The following MYO7B variants were observed in gnomAD, a reference collection of about 807,000 sequenced individuals.
MYO7B encodes the protein unconventional myosin-VIIb.
A neutral mutation model predicts 259.7 loss-of-function variants in MYO7B; 212 were observed. That is an observed-to-expected ratio of 0.82 (90% CI 0.73 to 0.91). The LOEUF (loss-of-function observed/expected upper bound fraction) is 0.91, where lower values mean the gene tolerates loss of function less well. Ranked by LOEUF, MYO7B falls within the 40% of genes least tolerant of loss-of-function variation. MYO7B has a pLI of 0.00. For synonymous variants in MYO7B, 1,197 were observed against 1,166.4 expected, an observed-to-expected ratio of 1.03 and a Z score of -0.54; for missense variants, 2,732 against 2,813.5, an observed-to-expected ratio of 0.97 and a Z score of 0.66.
chr2:127,566,234 G>T (rs1238555638), intron 4 of MYO7B, among the ~76,000 whole-genome samples: 1 of 152,214 alleles, frequency 6.6e-6, no homozygotes, highest in Non-Finnish European at 1.5e-5. Flanking sequence ...CCAGGGCGGA[G>T]GTCCCAGGGG....
intron 17 of MYO7B, 104 bp downstream of exon 17, chr2:127,593,050 C>A (rs1263328123): frequency 7.1e-7 from 1 of 1,409,462 alleles, no homozygotes; most frequent in Admixed American, 2.1e-5. Context: ...CTGCCCTCCC[C>A]GGCCCCAGCC....
chr2:127,564,193 C>G lies in MYO7B; in HGVS notation c.59C>G (p.Thr20Ser). The change falls in exon 3 of 48, where the codon ACC (threonine) becomes AGC (serine). Residue 20 changes from threonine (T) to serine (S), a missense_variant. Around this residue, in one of 3 missense-constraint regions of MYO7B, gnomAD observed 1,906 missense variants for 2,026.4 expected, o/e 0.94. Transcript: ENST00000409816. Reference sequence around the variant, plus strand: ...CTGGAGCCTCCCTCCACCCACAAGACCGGCGTGGCCATCGGGGGCATCATC... The same window carrying G: ...CTGGAGCCTCCCTCCACCCACAAGAGCGGCGTGGCCATCGGGGGCATCATC... ...VWLEPPSTHKTGVAIGGIIKE... is the reference protein window; with the variant it reads ...VWLEPPSTHKSGVAIGGIIKE... 1 of 1,576,218 alleles carries G rather than the reference C, an allele frequency of 6.3e-7. No individual in the cohort carries two copies. The highest frequency in any genetic ancestry group is 8.6e-7 in the Non-Finnish European group (1 of 1,161,562).
At chr2:127,634,995 G>A (rs907452095) in intron 42 of MYO7B, 125 bp from the exon 43 acceptor site, 12 of 758,316 alleles carry the variant, frequency 1.6e-5, no homozygotes, top group Non-Finnish European at 2.7e-5. Context: ...GTGGGGACTG[G>A]GGAGGAAGAA....
intron 1 of MYO7B, among the ~76,000 whole-genome samples, chr2:127,548,987 C>T (rs1274890278): frequency 1.3e-5 from 2 of 152,110 alleles, no homozygotes; most frequent in African/African-American, 4.8e-5. Context: ...TTGGCAGGTG[C>T]GTACATGTTA....
chr2:127,593,413 T>A, intron 17 of MYO7B, 133 bp from the exon 18 acceptor site: 1 of 834,178 alleles, frequency 1.2e-6, no homozygotes, highest in South Asian at 1.7e-5. Flanking sequence ...CCGTTGTGCC[T>A]GTGCCTGGGC....
In MYO7B at chr2:127,593,569, G is replaced by A; in HGVS notation, c.2169G>A (p.Met723Ile). ...AGCTGCAAGGCAAGCTCCGCCAGATGACCCTGGGCATCACTGACGTGTGGC... is the reference window on the plus strand; with the variant it reads ...AGCTGCAAGGCAAGCTCCGCCAGATAACCCTGGGCATCACTGACGTGTGGC... ...RMQLQGKLRQ[M>I]TLGITDVWLR... The change falls in exon 18 of 48, where the codon ATG becomes ATA. Residue 723 changes from methionine (M) to isoleucine (I), a missense_variant. Met to Ile is a conservative substitution (Grantham distance 10, BLOSUM62 1). Transcript: ENST00000409816. 6.2e-7 allele frequency: 1 copy of A among 1,613,398 alleles called. No homozygotes were observed.
In MYO7B at chr2:127,537,405, A is replaced by C. The variant is rs894705919; in HGVS notation, c.-24+1574A>C. On this transcript the variant is annotated intron_variant, in intron 1 of 47. Transcript: ENST00000409816. Reference sequence around the variant, plus strand: ...GGCCTTGTGTAGGAGCTCAGACAAAACCAATGGCCTCCATACATTTTACTT... The same window carrying C: ...GGCCTTGTGTAGGAGCTCAGACAAACCCAATGGCCTCCATACATTTTACTT... 3.7e-4 allele frequency among the ~76,000 whole-genome samples: 57 copies of C among 152,120 alleles called. 1 individual carries two copies. The highest frequency in any genetic ancestry group is 2.4e-5 in the African/African-American group (1 of 41,418).
At chr2:127,568,679 C>T (rs1678459037) in intron 5 of MYO7B, among the ~76,000 whole-genome samples, 1 of 152,054 alleles carries the variant, frequency 6.6e-6, no homozygotes, top group African/African-American at 2.4e-5. Flanking sequence ...GGTGGATCAC[C>T]TGAGGTCAGG....
Position 127,589,787 on chromosome 2 carries a change from C to T in MYO7B, c.1855-305C>T, listed in dbSNP as rs1353695047. Among the ~76,000 whole-genome samples, 84 of 57,466 alleles carry T rather than the reference C, an allele frequency of 1.5e-3. 1 individual carries two copies. The South Asian group carries it at 0.045, about 31-fold the overall frequency. The allele number at this position is 57,466 out of a possible 152,430, so 37.7% of individuals were successfully genotyped here. On this transcript the variant is annotated intron_variant, in intron 15 of 47. Transcript: ENST00000409816. The stretch of plus-strand genomic sequence containing the variant: ...GTGGGTGGGTGGGTGAATGGATGGA[C>T]GCATGGGTGGGTGGGTGGATGGGTG...
chr2:127,617,487 G>GTTTTTTTTTTTTTTTTTTTTTTTT (rs35542480), intron 26 of MYO7B, among the ~76,000 whole-genome samples: 1 of 84,828 alleles, frequency 1.2e-5, no homozygotes, highest in Non-Finnish European at 2.2e-5. Flanking sequence ...TTGTAACGGG[G>GTTTTTTTTTTTTTTTTTTTTTTTT]TTTTTTTTTT....
chr2:127,626,883 A>G (rs528443100), intron 31 of MYO7B, 92 bp from the exon 32 acceptor site: 1 of 1,201,298 alleles, frequency 8.3e-7, no homozygotes, highest in African/African-American at 1.5e-5. Flanking sequence ...GCCTTCTCAG[A>G]AGGATCCATC....
chr2:127,563,944 C>T (rs1678211551), intron 2 of MYO7B, among the ~76,000 whole-genome samples: 1 of 152,120 alleles, frequency 6.6e-6, no homozygotes, highest in Admixed American at 6.6e-5. Flanking sequence ...AAGACAAAGA[C>T]ATGGAGAGAA....
intron 24 of MYO7B, among the ~76,000 whole-genome samples, chr2:127,610,775 G>A (rs1680354336): frequency 6.6e-6 from 1 of 152,212 alleles, no homozygotes; most frequent in African/African-American, 2.4e-5. Context: ...CAGACTAACT[G>A]CATAGGAATC....
rs1681920722 is a variant in MYO7B at position 127,637,527 on chromosome 2, C to A, written c.*110C>A. The A allele has an allele frequency of 1.2e-6, 1 of 825,334 alleles. No individual in the cohort carries two copies. The highest frequency in any genetic ancestry group is 1.8e-6 in the Non-Finnish European group (1 of 545,996). The allele number at this position is 825,334 out of a possible 1,614,324, so 51.1% of individuals were successfully genotyped here. A position where few individuals can be genotyped will look rare whatever the true frequency, so the allele number is the denominator to read the frequency against. Reference sequence around the variant, plus strand: ...TGTCCTTGGCGGGCAGCCTTCCATGCTGCCCCCCATACAAAGCCCACTCAG... The same window carrying A: ...TGTCCTTGGCGGGCAGCCTTCCATGATGCCCCCCATACAAAGCCCACTCAG... On this transcript the variant is annotated 3_prime_UTR_variant, in exon 48 of 48. Coordinates refer to ENST00000409816, the MANE Select transcript of MYO7B (RefSeq NM_001393586.1).
chr2:127,623,472 C>A, intron 29 of MYO7B, 97 bp downstream of exon 29: 1 of 1,292,586 alleles, frequency 7.7e-7, no homozygotes, highest in East Asian at 2.6e-5. Context: ...GCCCGGCCAC[C>A]ACCTACCCTC....
intron 19 of MYO7B, among the ~76,000 whole-genome samples, chr2:127,604,943 A>G (rs1010902160): frequency 2.6e-5 from 4 of 152,280 alleles, no homozygotes. Flanking sequence ...AAGAATTGCC[A>G]AAACGTTATA....
chr2:127,584,489 C>T lies in MYO7B; in HGVS notation c.1554+157C>T, dbSNP rs980637245. ...GAGCCTCAGTCTAACCAGACAGACC[C>T]TCCTCTCCAAGGCCCACTTCTCTGA... On this transcript the variant is annotated intron_variant, in intron 13 of 47. Coordinates refer to ENST00000409816, the MANE Select transcript of MYO7B (RefSeq NM_001393586.1). This position sits in a 1 kb window ranked among gnomAD's most constrained non-coding sequence, Gnocchi z 5.8. 6.6e-6 allele frequency among the ~76,000 whole-genome samples: 1 copy of T among 152,170 alleles called. No homozygotes were observed. Among genetic ancestry groups the T allele is most frequent in the Non-Finnish European group, 1.5e-5 (1 of 68,040 alleles).
rs775282834 is a variant in MYO7B at position 127,637,300 on chromosome 2, C to A, written c.6328-16C>A. 6 of 1,540,556 alleles carry A rather than the reference C, an allele frequency of 3.9e-6. No homozygotes were observed. The highest frequency in any genetic ancestry group is 3.9e-5 in the Admixed American group (2 of 51,764). On this transcript the variant is annotated splice_polypyrimidine_tract_variant and intron_variant, in intron 47 of 47. Coordinates refer to ENST00000409816, the MANE Select transcript of MYO7B (RefSeq NM_001393586.1). ...CTCTGCACCCACAGCCTCTGACCCC[C>A]CCGTCCCCTGTCCAGGGCTATAAGA...
chr2:127,580,898 G>T, intron 10 of MYO7B, 76 bp downstream of exon 10: 1 of 1,388,228 alleles, frequency 7.2e-7, no homozygotes, highest in Non-Finnish European at 1.0e-6. Flanking sequence ...CCTGACACCT[G>T]ATTCTTATAA....
Sources: gnomAD v4.1 joint callset for allele counts (sites outside exome capture counted in the v4.1 genomes callset) on GRCh38, gnomAD v4.1.1 for gene constraint, gnomAD v4.1.1 regional missense constraint, Gnocchi (gnomAD v3.1) non-coding constraint, MANE v1.5 for transcripts, NCBI Gene and HGNC (gene_info 2026-07-23, HGNC 2026-07-21) for gene names.